The following FLRT2 variants were observed in gnomAD, a reference collection of about 807,000 sequenced individuals.
FLRT2 encodes fibronectin leucine rich transmembrane protein 2, also known as leucine-rich repeat transmembrane protein FLRT2.
FLRT2 carries 15 observed loss-of-function variants against 40.0 expected under a neutral mutation model. That is an observed-to-expected ratio of 0.38 (90% CI 0.25 to 0.58). The LOEUF (loss-of-function observed/expected upper bound fraction) is 0.58, where lower values mean the gene tolerates loss of function less well. Among genes scored for constraint, FLRT2 ranks in the 20% least tolerant of loss-of-function variants. The pLI, the probability that FLRT2 is intolerant of heterozygous loss-of-function variation, is 0.71. For synonymous variants in FLRT2, 380 were observed against 336.8 expected, an observed-to-expected ratio of 1.13 and a Z score of -1.41; for missense variants, 726 against 840.0, an observed-to-expected ratio of 0.86 and a Z score of 1.68.
intron 1 of FLRT2, among the ~76,000 whole-genome samples, chr14:85,615,405 A>G (rs974598328): frequency 6.6e-6 from 1 of 152,182 alleles, no homozygotes; most frequent in Non-Finnish European, 1.5e-5. Context: ...TCTGATTTTA[A>G]TGTTTTCAAT....
At chr14:85,607,969 C>T (rs1566753376) in intron 1 of FLRT2, among the ~76,000 whole-genome samples, 1 of 143,648 alleles carries the variant, frequency 7.0e-6, no homozygotes, top group South Asian at 2.1e-4. Flanking sequence ...ATCTTCTCTT[C>T]TCTTGGGTCC....
intron 1 of FLRT2, among the ~76,000 whole-genome samples, chr14:85,556,927 T>C (rs1393697639): frequency 6.6e-6 from 1 of 152,124 alleles, no homozygotes; most frequent in East Asian, 1.9e-4. Flanking sequence ...CTCAGAATCA[T>C]GGCGGGAGGC....
chr14:85,642,362 T>G lies in FLRT2; in HGVS notation c.*18865T>G, dbSNP rs2139399601. The G allele has an allele frequency of 6.6e-6, 1 of 152,246 alleles. No homozygotes were observed. Among genetic ancestry groups the G allele is most frequent in the Middle Eastern group, 3.4e-3 (1 of 294 alleles). The allele number at this position is 152,246 out of a possible 1,614,324, so 9.4% of individuals were successfully genotyped here. On this transcript the variant is annotated 3_prime_UTR_variant, in exon 2 of 2. Coordinates refer to ENST00000330753, the MANE Select transcript of FLRT2 (RefSeq NM_013231.6). Reference sequence around the variant, plus strand: ...AAGTCCGATGAGCCTTCTTTGCCAGTAGAACTCCTTCATCTCTGTTATATA... The same window carrying G: ...AAGTCCGATGAGCCTTCTTTGCCAGGAGAACTCCTTCATCTCTGTTATATA...
chr14:85,593,694 AT>A (rs538568389), intron 1 of FLRT2, among the ~76,000 whole-genome samples: 24 of 152,206 alleles, frequency 1.6e-4, no homozygotes, highest in African/African-American at 4.6e-4. Flanking sequence ...TTACCTGGGC[AT>A]TTTTTTCCCC....
chr14:85,587,578 T>TC (rs1891680228), intron 1 of FLRT2, among the ~76,000 whole-genome samples: 1 of 145,768 alleles, frequency 6.9e-6, no homozygotes, highest in African/African-American at 2.5e-5. Context: ...TGACCATGAA[T>TC]TTTTTTTTTT....
Position 85,622,858 on chromosome 14 carries a change from G to A in FLRT2, c.1344G>A (p.Met448Ile), listed in dbSNP as rs1328670473. ...QVSWLSLFTV[M>I]AYKLTWVKMG... ...GCTGGCTCTCTCTCTTCACCGTGAT[G>A]GCATACAAACTCACATGGGTGAAAA... The change falls in exon 2 of 2, where the codon ATG (methionine) becomes ATA (isoleucine). Residue 448 changes from methionine (M) to isoleucine (I), a missense_variant. Coordinates refer to ENST00000330753, the MANE Select transcript of FLRT2 (RefSeq NM_013231.6). 1.9e-6 allele frequency: 3 copies of A among 1,614,154 alleles called. No homozygotes were observed. The South Asian group carries it at 3.3e-5, about 18-fold the overall frequency.
At position 85,622,438 on chromosome 14, in the gene FLRT2, G is replaced by C. The variant is rs1893440728; in HGVS notation, c.924G>C (p.Arg308=). ...CCAACCTGAAGCAGCTCACTGCTCG[G>C]AATAACCCTTGGTTTTGTGACTGCA... The part of the protein sequence containing the change: ...NLSNLKQLTA[R]NNPWFCDCSI... The change falls in exon 2 of 2, where the codon CGG becomes CGC. Residue 308 remains arginine, a synonymous_variant. Transcript: ENST00000330753. The C allele has an allele frequency of 1.2e-6, 2 of 1,614,164 alleles. No homozygotes were observed. Among genetic ancestry groups the C allele is most frequent in the Non-Finnish European group, 1.7e-6 (2 of 1,180,030 alleles).
At chr14:85,539,533 G>C (rs1315703165) in intron 1 of FLRT2, among the ~76,000 whole-genome samples, 1 of 152,064 alleles carries the variant, frequency 6.6e-6, no homozygotes, top group East Asian at 1.9e-4. Flanking sequence ...AGAAATAAAT[G>C]AGATTGCTTT....
intron 1 of FLRT2, among the ~76,000 whole-genome samples, chr14:85,543,180 G>A (rs1440792381): frequency 6.6e-6 from 1 of 152,116 alleles, no homozygotes; most frequent in East Asian, 1.9e-4. Context: ...AGATTCTGAT[G>A]TGTTAAGTCT....
intron 1 of FLRT2, among the ~76,000 whole-genome samples, chr14:85,566,805 G>A (rs998116795): frequency 2.7e-5 from 4 of 149,468 alleles, no homozygotes; most frequent in Non-Finnish European, 5.9e-5. Context: ...TCCCTTCTAT[G>A]TATTAGCTTC....
chr14:85,536,839 T>G (rs905914776), intron 1 of FLRT2, among the ~76,000 whole-genome samples: 1 of 152,198 alleles, frequency 6.6e-6, no homozygotes, highest in Admixed American at 6.5e-5. Flanking sequence ...AAATGGTTAT[T>G]CCATATAGCA....
chr14:85,610,914 GAGAC>G (rs897627584), intron 1 of FLRT2, among the ~76,000 whole-genome samples: 7 of 150,598 alleles, frequency 4.6e-5, no homozygotes, highest in African/African-American at 1.7e-4. Context: ...AATTTTTTTT[GAGAC>G]AGAGTGTCAC....
intron 1 of FLRT2, among the ~76,000 whole-genome samples, chr14:85,574,737 A>G (rs866542003): frequency 5.3e-5 from 8 of 152,280 alleles, no homozygotes; most frequent in Middle Eastern, 3.4e-3. Flanking sequence ...AATCTTTCTC[A>G]TGTGGATACT....
In FLRT2 at chr14:85,622,706, C is replaced by T; in HGVS notation, c.1192C>T (p.Pro398Ser). 1 of 1,614,126 alleles carries T rather than the reference C, an allele frequency of 6.2e-7. No homozygotes were observed. Among genetic ancestry groups the T allele is most frequent in the South Asian group, 1.1e-5 (1 of 91,076 alleles). Reference protein sequence around the residue: ...IPNPSRSYTPPTPTTSKLPTI... With the variant: ...IPNPSRSYTPSTPTTSKLPTI... ...AAACCCTAGCAGAAGCTACACGCCT[C>T]CAACTCCTACCACATCGAAACTTCC... Residue 398 changes from proline (P) to serine (S), a missense_variant, in exon 2 of 2, where the codon CCA (proline) becomes TCA (serine). Pro to Ser is a moderately conservative substitution (Grantham distance 74). This residue lies in a region of FLRT2 where 611 missense variants were observed against 690.0 expected (regional missense o/e 0.89). Coordinates refer to ENST00000330753, the MANE Select transcript of FLRT2 (RefSeq NM_013231.6).
At chr14:85,566,456 G>C (rs1448146065) in intron 1 of FLRT2, among the ~76,000 whole-genome samples, 1 of 151,962 alleles carries the variant, frequency 6.6e-6, no homozygotes, top group African/African-American at 2.4e-5. Context: ...AAGGAATCAA[G>C]AAAATTATCT....
rs1023521041 is a variant in FLRT2 at position 85,633,886 on chromosome 14, C to T, written c.*10389C>T. On this transcript the variant is annotated 3_prime_UTR_variant, in exon 2 of 2. Transcript: ENST00000330753. ...GACATAGTTTTATTTGATGCTAGTA[C>T]ACCACCAATTACGGCATTTAAATCC... 2.0e-5 allele frequency: 3 copies of T among 151,998 alleles called. No individual in the cohort carries two copies. The highest frequency in any genetic ancestry group is 4.8e-5 in the African/African-American group (2 of 41,376). The allele number at this position is 151,998 out of a possible 1,614,324, so 9.4% of individuals were successfully genotyped here. A position where few individuals can be genotyped will look rare whatever the true frequency, so the allele number is the denominator to read the frequency against.
At chr14:85,613,545 A>G (rs537303946) in intron 1 of FLRT2, among the ~76,000 whole-genome samples, 1 of 152,298 alleles carries the variant, frequency 6.6e-6, no homozygotes, top group African/African-American at 2.4e-5. Context: ...TATCTCACTG[A>G]TTCCTTATGG....
intron 1 of FLRT2, among the ~76,000 whole-genome samples, chr14:85,568,041 G>A (rs1229085180): frequency 6.6e-6 from 1 of 152,120 alleles, no homozygotes; most frequent in East Asian, 1.9e-4. Flanking sequence ...GGCCTGTAGA[G>A]TACCACAAGA....
At chr14:85,543,235 G>A (rs954294730) in intron 1 of FLRT2, among the ~76,000 whole-genome samples, 5 of 152,088 alleles carry the variant, frequency 3.3e-5, no homozygotes, top group African/African-American at 1.2e-4. Flanking sequence ...TCCCATTATT[G>A]GAAATCACTG....
Sources: allele counts gnomAD v4.1 joint callset (sites outside exome capture counted in the v4.1 genomes callset), GRCh38; gene constraint gnomAD v4.1.1; regional missense constraint gnomAD v4.1.1; transcripts MANE v1.5; gene names NCBI Gene and HGNC (gene_info 2026-07-23, HGNC 2026-07-21).